MRC1: variants seen among roughly 807,000 people sequenced by gnomAD.
MRC1 encodes macrophage mannose receptor 1.
Under a neutral mutation model 102.9 loss-of-function variants are expected in MRC1, and 62 were observed. That is an observed-to-expected ratio of 0.60 (90% CI 0.49 to 0.74). The LOEUF (loss-of-function observed/expected upper bound fraction) is 0.74, where lower values mean the gene tolerates loss of function less well. MRC1 is among the 30% of genes least tolerant of loss of function. MRC1 has a pLI of 0.00. For missense variants in MRC1, 1,237 were observed against 862.8 expected (o/e 1.43, Z -5.43); for synonymous variants, 457 against 298.4 (o/e 1.53, Z -5.48).
intron 1 of MRC1, among the ~76,000 whole-genome samples, chr10:17,812,761 TG>T (rs1335725816): frequency 2.0e-5 from 3 of 151,796 alleles, no homozygotes; most frequent in Non-Finnish European, 4.4e-5. Flanking sequence ...TTAGTAGAGA[TG>T]GGGTTTCACC....
intron 2 of MRC1, among the ~76,000 whole-genome samples, chr10:17,826,487 A>T (rs1362798702): frequency 6.6e-6 from 1 of 151,740 alleles, no homozygotes; most frequent in Non-Finnish European, 1.5e-5. Flanking sequence ...CAAGCGTGAG[A>T]CAAGCTAAGA....
At chr10:17,879,024 G>A (rs959433053) in intron 18 of MRC1, among the ~76,000 whole-genome samples, 2 of 152,030 alleles carry the variant, frequency 1.3e-5, no homozygotes, top group Non-Finnish European at 2.9e-5. Context: ...GAGTAAACAC[G>A]AGAATCAGAG....
intron 22 of MRC1, among the ~76,000 whole-genome samples, chr10:17,892,855 C>CA (rs1224332991): frequency 1.3e-5 from 2 of 151,570 alleles, no homozygotes; most frequent in African/African-American, 4.8e-5. Flanking sequence ...ACTAAAAGTA[C>CA]AAAAATTAGC....
chr10:17,823,168 T>C lies in MRC1; in HGVS notation c.156T>C (p.Asp52=). ...SAVQTAACNQ[D]AESQKFRWVS... ...TCCAAACCGCAGCTTGCAACCAGGA[T>C]GCCGAATCACAGAAATTCCGATGGG... The change falls in exon 2 of 30, where the codon GAT becomes GAC. Residue 52 remains aspartate (D), a synonymous_variant. Transcript: ENST00000569591. 9 of 780,856 alleles carry C rather than the reference T, an allele frequency of 1.2e-5. 1 individual carries two copies. The South Asian group carries it at 1.2e-4, about 10-fold the overall frequency. The allele number at this position is 780,856 out of a possible 1,614,324, so 48.4% of individuals were successfully genotyped here.
At chr10:17,837,172 C>T (rs1343127133) in intron 4 of MRC1, among the ~76,000 whole-genome samples, 2 of 152,152 alleles carry the variant, frequency 1.3e-5, no homozygotes, top group Non-Finnish European at 2.9e-5. Flanking sequence ...AGCAAACAAG[C>T]CCCAGGAGAT....
intron 18 of MRC1, among the ~76,000 whole-genome samples, chr10:17,879,310 C>A (rs978133759): frequency 6.6e-6 from 1 of 152,188 alleles, no homozygotes; most frequent in Non-Finnish European, 1.5e-5. Context: ...CTGGAGGTCT[C>A]CCTCTTCTGG....
intron 17 of MRC1, among the ~76,000 whole-genome samples, chr10:17,876,401 C>T (rs949725652): frequency 6.6e-6 from 1 of 152,062 alleles, no homozygotes; most frequent in African/African-American, 2.4e-5. Context: ...GCGCACACCA[C>T]CATGCCTGGC....
intron 28 of MRC1, among the ~76,000 whole-genome samples, chr10:17,908,929 A>C (rs1465033433): frequency 1.3e-5 from 2 of 152,178 alleles, no homozygotes; most frequent in Non-Finnish European, 2.9e-5. Flanking sequence ...CAGCAGGCTA[A>C]TTTCAAAACC....
Position 17,900,908 on chromosome 10 carries a change from G to A in MRC1, c.3604G>A (p.Ala1202Thr). 2 of 780,730 alleles carry A rather than the reference G, an allele frequency of 2.6e-6. No homozygotes were observed. The highest frequency in any genetic ancestry group is 1.3e-5 in the South Asian group (1 of 74,578). 48.4% of individuals were successfully genotyped at this position (780,730 alleles called of 1,614,324 possible). ...YLDLDGYWKT[A>T]HCNESFYFLC... ...GGATCTTGATGGCTACTGGAAGACA[G>A]CACATTGCAATGAAAGTTTTTACTT... Residue 1202 changes from alanine to threonine, a missense_variant, in exon 25 of 30, where the codon GCA becomes ACA. Ala to Thr is a moderately conservative substitution (Grantham distance 58). Transcript: ENST00000569591.
At chr10:17,850,256 GT>G (rs71507247) in intron 7 of MRC1, among the ~76,000 whole-genome samples, 14 of 131,518 alleles carry the variant, frequency 1.1e-4, no homozygotes, top group African/African-American at 2.0e-4. Flanking sequence ...AAATATAGGA[GT>G]TTTTTTTTTT....
At chr10:17,900,039 A>C (rs1457163036) in intron 24 of MRC1, among the ~76,000 whole-genome samples, 1 of 149,052 alleles carries the variant, frequency 6.7e-6, no homozygotes, top group Non-Finnish European at 1.5e-5. Context: ...TGGAGGTTGC[A>C]GTGAGCCTAG....
At chr10:17,828,139 C>T (rs898454529) in intron 3 of MRC1, among the ~76,000 whole-genome samples, 13 of 152,240 alleles carry the variant, frequency 8.5e-5, no homozygotes, top group Non-Finnish European at 1.3e-4. Context: ...TGTGGTGGTG[C>T]GATCTCCACT....
At position 17,827,660 on chromosome 10, in the gene MRC1, C is replaced by A. The variant is rs1471194803; in HGVS notation, c.582C>A (p.Cys194Ter). The A allele has an allele frequency of 1.3e-6, 1 of 780,668 alleles. No homozygotes were observed. The allele number at this position is 780,668 out of a possible 1,614,324, so 48.4% of individuals were successfully genotyped here. Residue 194 changes from cysteine to a stop codon, truncating the protein, a stop_gained, in exon 3 of 30, where the codon TGC becomes TGA. Coordinates refer to ENST00000569591, the MANE Select transcript of MRC1 (RefSeq NM_002438.4). LOFTEE classifies it high-confidence loss of function. ...GGCGGTCGGATGGATGGCTCTGGTG[C>A]GGAACCACTACTGACTATGACACAG... ...SAGRSDGWLW[C>*]GTTTDYDTDK...
intron 9 of MRC1, among the ~76,000 whole-genome samples, chr10:17,857,633 A>G (rs2130654909): frequency 6.6e-6 from 1 of 152,364 alleles, no homozygotes; most frequent in Non-Finnish European, 1.5e-5. Context: ...AAGAGTTTAA[A>G]CAACTTGACC....
intron 1 of MRC1, among the ~76,000 whole-genome samples, chr10:17,812,115 A>G (rs1554837483): frequency 6.6e-6 from 1 of 151,996 alleles, no homozygotes; most frequent in Non-Finnish European, 1.5e-5. Context: ...AGAGCATCCC[A>G]CAGCATTAGC....
chr10:17,858,422 G>T (rs1172866026), intron 9 of MRC1, among the ~76,000 whole-genome samples: 1 of 152,094 alleles, frequency 6.6e-6, no homozygotes, highest in East Asian at 1.9e-4. Flanking sequence ...GTGGAATGCT[G>T]CAGTGTAGCA....
chr10:17,849,225 C>T (rs1838874662), intron 6 of MRC1, among the ~76,000 whole-genome samples: 1 of 150,972 alleles, frequency 6.6e-6, no homozygotes, highest in African/African-American at 2.4e-5. Flanking sequence ...CTGCTTGAGC[C>T]CAGGAGGTTG....
At chr10:17,832,576 A>C (rs1410362094) in intron 3 of MRC1, among the ~76,000 whole-genome samples, 1 of 147,330 alleles carries the variant, frequency 6.8e-6, no homozygotes, top group Non-Finnish European at 1.5e-5. Flanking sequence ...AACAAACAAA[A>C]AAAGTTTTAT....
At chr10:17,863,171 G>C in intron 10 of MRC1, 1 of 243,774 alleles carries the variant, frequency 4.1e-6, no homozygotes, top group Non-Finnish European at 8.0e-6. Flanking sequence ...ACTATTTGAA[G>C]AGTGGACTGA....
Sources: allele counts gnomAD v4.1 joint callset (sites outside exome capture counted in the v4.1 genomes callset), GRCh38; gene constraint gnomAD v4.1.1; transcripts MANE v1.5; gene names NCBI Gene and HGNC (gene_info 2026-07-23, HGNC 2026-07-21).